The following CRMP1 variants were observed in gnomAD, a reference collection of about 807,000 sequenced individuals.
The protein encoded by CRMP1 is collapsin response mediator protein 1.
A neutral mutation model predicts 68.3 loss-of-function variants in CRMP1; 19 were observed. That is an observed-to-expected ratio of 0.28 (90% CI 0.19 to 0.41). The LOEUF (loss-of-function observed/expected upper bound fraction) is 0.41. Ranked by LOEUF, CRMP1 falls within the 10% of genes least tolerant of loss-of-function variation. The probability of loss-of-function intolerance (pLI) is 1.00; values close to 1 mark genes in which losing one functional copy is unlikely to be tolerated. For missense variants in CRMP1, 791 were observed against 967.4 expected (o/e 0.82, Z 2.42); for synonymous variants, 439 against 399.6 (o/e 1.10, Z -1.18).
intron 13 of CRMP1, chr4:5,824,934 C>G (rs866291717): frequency 8.1e-6 from 8 of 985,280 alleles, no homozygotes; most frequent in Middle Eastern, 5.2e-4. Context: ...TAATTTTGTT[C>G]CCACACATTT....
At position 5,859,974 on chromosome 4, in the gene CRMP1, T is replaced by G. The variant is rs992621144; in HGVS notation, c.655+1052A>C. Among the ~76,000 whole-genome samples, 5 of 152,020 alleles carry G rather than the reference T, an allele frequency of 3.3e-5. No individual in the cohort carries two copies. The highest frequency in any genetic ancestry group is 1.2e-4 in the African/African-American group (5 of 41,406). On this transcript the variant is annotated intron_variant, in intron 3 of 13. Transcript: ENST00000324989. This position sits in a 1 kb window ranked among gnomAD's most constrained non-coding sequence, Gnocchi z 5.2. Reference sequence around the variant, plus strand: ...TGGCCTATTTAATTAAAATTGCTTATTAAAATGAATCCAAGCAAAAGCGGC... The same window carrying G: ...TGGCCTATTTAATTAAAATTGCTTAGTAAAATGAATCCAAGCAAAAGCGGC...
At position 5,853,410 on chromosome 4, in the gene CRMP1, A is replaced by G. The variant is rs538029956; in HGVS notation, c.821-1941T>C. Among the ~76,000 whole-genome samples the G allele has an allele frequency of 6.6e-6, 1 of 152,292 alleles. No individual in the cohort carries two copies. The highest frequency in any genetic ancestry group is 2.4e-5 in the African/African-American group (1 of 41,568). Reference sequence around the variant, plus strand: ...CAGAGTAAGACTCCATCAGAAGGAAAGAAAGAAAGAGCTGCATCTAAGAGA... The same window carrying G: ...CAGAGTAAGACTCCATCAGAAGGAAGGAAAGAAAGAGCTGCATCTAAGAGA... On this transcript the variant is annotated intron_variant, in intron 4 of 13. Transcript: ENST00000324989. This position sits in a 1 kb window ranked among gnomAD's most constrained non-coding sequence, Gnocchi z 4.7.
chr4:5,888,558 G>C lies in CRMP1; in HGVS notation c.381+4031C>G. The C allele has an allele frequency of 8.8e-7, 1 of 1,131,986 alleles. No individual in the cohort carries two copies. The highest frequency in any genetic ancestry group is 1.1e-6 in the Non-Finnish European group (1 of 924,010). 70.1% of individuals were successfully genotyped at this position (1,131,986 alleles called of 1,614,324 possible). ...TGCAGACAGCTCCTCCCGGCGGCGC[G>C]GAGCGAAGCCGGATTCGCCCCTCTC... On this transcript the variant is annotated intron_variant, in intron 1 of 13. Coordinates refer to ENST00000324989, the MANE Select transcript of CRMP1 (RefSeq NM_001014809.3). The surrounding 1 kb of genome is among the most constrained non-coding windows in gnomAD (Gnocchi z 6.4).
At position 5,890,427 on chromosome 4, in the gene CRMP1, G is replaced by T. The variant is rs992809509; in HGVS notation, c.381+2162C>A. On this transcript the variant is annotated intron_variant, in intron 1 of 13. Coordinates refer to ENST00000324989, the MANE Select transcript of CRMP1 (RefSeq NM_001014809.3). The surrounding 1 kb of genome is among the most constrained non-coding windows in gnomAD (Gnocchi z 5.5). ...GCCCAGGGAGAAGCCTGGTGGGCGG[G>T]GGGGGAAGGGCCGGGGCACCCGTTG... 1.3e-5 allele frequency among the ~76,000 whole-genome samples: 2 copies of T among 152,256 alleles called. No individual in the cohort carries two copies. The highest frequency in any genetic ancestry group is 4.8e-5 in the African/African-American group (2 of 41,482).
intron 11 of CRMP1, among the ~76,000 whole-genome samples, chr4:5,832,485 AATAT>A (rs1228340207): frequency 6.6e-6 from 1 of 152,266 alleles, no homozygotes; most frequent in Non-Finnish European, 1.5e-5. Context: ...ATCACTGGTC[AATAT>A]ATAAGGAATG....
Position 5,883,429 on chromosome 4 carries a change from T to C in CRMP1, c.381+9160A>G, listed in dbSNP as rs943841296. 1.3e-5 allele frequency among the ~76,000 whole-genome samples: 2 copies of C among 152,068 alleles called. No homozygotes were observed. Among genetic ancestry groups the C allele is most frequent in the Non-Finnish European group, 2.9e-5 (2 of 68,006 alleles). On this transcript the variant is annotated intron_variant, in intron 1 of 13. Transcript: ENST00000324989. The surrounding 1 kb of genome is among the most constrained non-coding windows in gnomAD (Gnocchi z 4.5). Reference sequence around the variant, plus strand: ...ATTTCTCCTGCCTCAGCCTCCCGAATAGCTGGGATTACAGGTGCCCGCCAC... The same window carrying C: ...ATTTCTCCTGCCTCAGCCTCCCGAACAGCTGGGATTACAGGTGCCCGCCAC...
In CRMP1 at chr4:5,861,266, G is replaced by T; in HGVS notation, c.471-56C>A. ...TCTTAAAGGAAAAGTAGAATGGGCAGTCAACCCGCAGCTTCAGTTCCATGA... is the reference window on the plus strand; with the variant it reads ...TCTTAAAGGAAAAGTAGAATGGGCATTCAACCCGCAGCTTCAGTTCCATGA... On this transcript the variant is annotated intron_variant, in intron 2 of 13. Transcript: ENST00000324989. The surrounding 1 kb of genome is among the most constrained non-coding windows in gnomAD (Gnocchi z 6.0). 6.5e-7 allele frequency: 1 copy of T among 1,539,664 alleles called. No homozygotes were observed. Among genetic ancestry groups the T allele is most frequent in the African/African-American group, 1.4e-5 (1 of 73,552 alleles).
intron 6 of CRMP1, among the ~76,000 whole-genome samples, chr4:5,845,458 T>C (rs916678498): frequency 6.6e-6 from 1 of 152,218 alleles, no homozygotes; most frequent in Non-Finnish European, 1.5e-5. Flanking sequence ...ACCATCACAT[T>C]AGCCTGACAG....
In CRMP1 at chr4:5,852,251, T is replaced by G. The variant is rs150195346; in HGVS notation, c.821-782A>C. Among the ~76,000 whole-genome samples the G allele has an allele frequency of 8.3e-4, 127 of 152,348 alleles. 1 individual carries two copies. The highest frequency in any genetic ancestry group is 1.3e-4 in the Non-Finnish European group (9 of 68,030). On this transcript the variant is annotated intron_variant, in intron 4 of 13. Coordinates refer to ENST00000324989, the MANE Select transcript of CRMP1 (RefSeq NM_001014809.3). ...AGCTGAGTTCAGGCCTCAGTTGCTG[T>G]GTGGCACTTGAGACGTTACTGCACC...
chr4:5,881,691 C>CAGAA lies in CRMP1; in HGVS notation c.381+10897_381+10898insTTCT, dbSNP rs1715232064. 6.6e-6 allele frequency among the ~76,000 whole-genome samples: 1 copy of CAGAA among 152,152 alleles called. No individual in the cohort carries two copies. The highest frequency in any genetic ancestry group is 2.4e-5 in the African/African-American group (1 of 41,436). On this transcript the variant is annotated intron_variant, in intron 1 of 13. Transcript: ENST00000324989. The surrounding 1 kb of genome is among the most constrained non-coding windows in gnomAD (Gnocchi z 4.6). ...TCTCTCTGCTTGTGAATACTCAGGG[C>CAGAA]TCCACCTGAGAGATGCTACAATAAT...
At position 5,881,749 on chromosome 4, in the gene CRMP1, A is replaced by G. The variant is rs377161889; in HGVS notation, c.381+10840T>C. Among the ~76,000 whole-genome samples the G allele has an allele frequency of 3.3e-5, 5 of 152,210 alleles. No homozygotes were observed. The East Asian group carries it at 7.7e-4, about 23-fold the overall frequency. ...CTTGGTTGTAGCAAACATAAATTTT[A>G]AACGCTGATCAAAATTTAGCCACAC... On this transcript the variant is annotated intron_variant, in intron 1 of 13. Coordinates refer to ENST00000324989, the MANE Select transcript of CRMP1 (RefSeq NM_001014809.3). This position sits in a 1 kb window ranked among gnomAD's most constrained non-coding sequence, Gnocchi z 4.6.
rs1325610442 is a variant in CRMP1 at position 5,825,795 on chromosome 4, G to A, written c.1804-136C>T. ...GTGCATGCACACACACACACAACAC[G>A]CACACACGACAGGTGCACTTCACAC... On this transcript the variant is annotated intron_variant, in intron 12 of 13. Coordinates refer to ENST00000324989, the MANE Select transcript of CRMP1 (RefSeq NM_001014809.3). This position sits in a 1 kb window ranked among gnomAD's most constrained non-coding sequence, Gnocchi z 4.4. The A allele has an allele frequency of 1.0e-5, 8 of 789,824 alleles. No individual in the cohort carries two copies. Among genetic ancestry groups the A allele is most frequent in the South Asian group, 5.3e-5 (3 of 56,330 alleles). 48.9% of individuals were successfully genotyped at this position (789,824 alleles called of 1,614,324 possible).
rs1265680326 is a variant in CRMP1 at position 5,859,351 on chromosome 4, G to A, written c.655+1675C>T. Among the ~76,000 whole-genome samples, 3 of 152,112 alleles carry A rather than the reference G, an allele frequency of 2.0e-5. No homozygotes were observed. Among genetic ancestry groups the A allele is most frequent in the African/African-American group, 7.2e-5 (3 of 41,414 alleles). On this transcript the variant is annotated intron_variant, in intron 3 of 13. Transcript: ENST00000324989. The surrounding 1 kb of genome is among the most constrained non-coding windows in gnomAD (Gnocchi z 5.2). Reference sequence around the variant, plus strand: ...AAGGCTTACAGGGCAGGGCTCCCCAGGGTCTCACAGCTGGTAATGGAGAAA... The same window carrying A: ...AAGGCTTACAGGGCAGGGCTCCCCAAGGTCTCACAGCTGGTAATGGAGAAA...
intron 4 of CRMP1, among the ~76,000 whole-genome samples, chr4:5,852,266 G>A (rs1016724462): frequency 3.9e-5 from 6 of 152,222 alleles, no homozygotes; most frequent in African/African-American, 1.2e-4. Context: ...CACTTGAGAC[G>A]TTACTGCACC....
At chr4:5,851,260 C>T in intron 5 of CRMP1, 148 bp downstream of exon 5, 2 of 736,726 alleles carry the variant, frequency 2.7e-6, no homozygotes, top group Non-Finnish European at 4.8e-6. Flanking sequence ...CAATGACTGA[C>T]ACCGTATCAC....
At chr4:5,873,390 GAAGAA>G (rs1312613720) in intron 1 of CRMP1, among the ~76,000 whole-genome samples, 2 of 152,096 alleles carry the variant, frequency 1.3e-5, no homozygotes, top group African/African-American at 2.4e-5. Flanking sequence ...GGTAATTTGT[GAAGAA>G]AAGAAAAGAG....
intron 11 of CRMP1, among the ~76,000 whole-genome samples, chr4:5,830,158 T>C (rs2152455957): frequency 6.6e-6 from 1 of 152,368 alleles, no homozygotes; most frequent in South Asian, 2.1e-4. Flanking sequence ...ACGGTGTCAC[T>C]GTGTTTTGCA....
At position 5,890,678 on chromosome 4, in the gene CRMP1, G is replaced by A. The variant is rs1034520509; in HGVS notation, c.381+1911C>T. Among the ~76,000 whole-genome samples the A allele has an allele frequency of 3.3e-5, 5 of 152,336 alleles. No individual in the cohort carries two copies. The highest frequency in any genetic ancestry group is 1.2e-4 in the African/African-American group (5 of 41,594). ...ATGGAGAAAGGCAGAGGGGACCACA[G>A]GGAGAAGAGGAAGGAGTAGGGGAGA... is the stretch of plus-strand genomic sequence containing the variant. On this transcript the variant is annotated intron_variant, in intron 1 of 13. Transcript: ENST00000324989. The surrounding 1 kb of genome is among the most constrained non-coding windows in gnomAD (Gnocchi z 5.5).
intron 4 of CRMP1, among the ~76,000 whole-genome samples, chr4:5,852,784 AT>A (rs890966345): frequency 1.3e-5 from 2 of 151,720 alleles, no homozygotes; most frequent in African/African-American, 4.8e-5. Flanking sequence ...TAGTCTGATG[AT>A]CCCTATGTGG....
Sources: gnomAD v4.1 joint callset for allele counts (sites outside exome capture counted in the v4.1 genomes callset) on GRCh38, gnomAD v4.1.1 for gene constraint, Gnocchi (gnomAD v3.1) non-coding constraint, MANE v1.5 for transcripts, NCBI Gene and HGNC (gene_info 2026-07-23, HGNC 2026-07-21) for gene names.